ADGRL3: variants seen among roughly 807,000 people sequenced by gnomAD.
The protein encoded by ADGRL3 is calcium-independent alpha-latrotoxin receptor 3.
ADGRL3 carries 62 observed loss-of-function variants against 153.5 expected under a neutral mutation model. That is an observed-to-expected ratio of 0.40 (90% CI 0.33 to 0.50). The LOEUF (loss-of-function observed/expected upper bound fraction) is 0.50. Ranked by LOEUF, ADGRL3 falls within the 20% of genes least tolerant of loss-of-function variation. The probability of loss-of-function intolerance (pLI) is 0.47; values close to 1 mark genes in which losing one functional copy is unlikely to be tolerated. For synonymous variants in ADGRL3, 710 were observed against 672.5 expected (o/e 1.06, Z -0.86); for missense variants, 1,641 against 1,859.4 (o/e 0.88, Z 2.16).
chr4:61,751,431 G>T (rs2096755443), intron 8 of ADGRL3, among the ~76,000 whole-genome samples: 1 of 152,158 alleles, frequency 6.6e-6, no homozygotes, highest in Non-Finnish European at 1.5e-5. Flanking sequence ...CTAAGGCTCA[G>T]AGATATAAAG....
At chr4:61,617,789 T>G (rs553470541) in intron 5 of ADGRL3, among the ~76,000 whole-genome samples, 1 of 152,238 alleles carries the variant, frequency 6.6e-6, no homozygotes, top group African/African-American at 2.4e-5. Context: ...TTTTCTTCCC[T>G]AAGCAAAATC....
At chr4:61,747,706 C>T (rs1310501849) in intron 8 of ADGRL3, among the ~76,000 whole-genome samples, 4 of 146,874 alleles carry the variant, frequency 2.7e-5, no homozygotes, top group Admixed American at 6.9e-5. Context: ...TGGGACGTAT[C>T]TCAAAATAAT....
At chr4:61,291,587 T>C (rs868846121) in intron 1 of ADGRL3, among the ~76,000 whole-genome samples, 33 of 11,774 alleles carry the variant, frequency 2.8e-3, no homozygotes, top group Admixed American at 8.8e-3. Flanking sequence ...TATATACATA[T>C]ATATATATAT....
intron 8 of ADGRL3, among the ~76,000 whole-genome samples, chr4:61,768,775 G>T (rs1374361301): frequency 6.6e-6 from 1 of 151,940 alleles, no homozygotes; most frequent in East Asian, 1.9e-4. Flanking sequence ...GGCAAGCCCA[G>T]AGAAAAGAGT....
intron 1 of ADGRL3, among the ~76,000 whole-genome samples, chr4:61,264,869 C>T (rs1202398257): frequency 6.6e-6 from 1 of 151,708 alleles, no homozygotes; most frequent in Admixed American, 6.6e-5. Flanking sequence ...TAAACAAAAC[C>T]TTTTCAGTAA....
intron 6 of ADGRL3, among the ~76,000 whole-genome samples, chr4:61,711,487 TATATACAC>T (rs1182910884): frequency 2.0e-4 from 21 of 107,498 alleles, no homozygotes; most frequent in African/African-American, 6.6e-4. Flanking sequence ...TATATATATA[TATATACAC>T]ACACACACAC....
intron 2 of ADGRL3, among the ~76,000 whole-genome samples, chr4:61,473,164 G>A (rs2152692818): frequency 6.6e-6 from 1 of 151,908 alleles, no homozygotes; most frequent in African/African-American, 2.4e-5. Context: ...TTGATAAGGT[G>A]AGAATTTCGG....
intron 5 of ADGRL3, among the ~76,000 whole-genome samples, chr4:61,628,859 T>A (rs1187333298): frequency 6.6e-6 from 1 of 152,198 alleles, no homozygotes; most frequent in Non-Finnish European, 1.5e-5. Flanking sequence ...AATTGGACTT[T>A]GTTCTTGTTG....
chr4:61,225,419 C>A (rs527901823), intron 1 of ADGRL3, among the ~76,000 whole-genome samples: 2 of 152,262 alleles, frequency 1.3e-5, no homozygotes, highest in South Asian at 4.1e-4. Context: ...ATAACCTTTC[C>A]ATTTCTCCAC....
At chr4:61,744,837 C>T (rs2151961126) in intron 8 of ADGRL3, among the ~76,000 whole-genome samples, 1 of 152,328 alleles carries the variant, frequency 6.6e-6, no homozygotes, top group Non-Finnish European at 1.5e-5. Context: ...TGCAGCTCCT[C>T]ACCAGCAACG....
intron 1 of ADGRL3, among the ~76,000 whole-genome samples, chr4:61,378,427 G>T (rs2096629948): frequency 6.6e-6 from 1 of 151,924 alleles, no homozygotes; most frequent in South Asian, 2.1e-4. Context: ...GTGCATTTAG[G>T]ACTAAACTTT....
intron 1 of ADGRL3, among the ~76,000 whole-genome samples, chr4:61,290,602 C>CCACTG (rs2094137013): frequency 6.7e-6 from 1 of 150,238 alleles, no homozygotes; most frequent in Non-Finnish European, 1.5e-5. Flanking sequence ...TATAATTGTA[C>CCACTG]CACTGCATTC....
Position 61,818,859 on chromosome 4 carries a change from C to A in ADGRL3, c.1480+4970C>A, listed in dbSNP as rs577389571. ...CAGTTATAATCACTAGCTCATGTGACCCTGCCCTGCAATTTTCAAAATAAA... is the reference window on the plus strand; with the variant it reads ...CAGTTATAATCACTAGCTCATGTGAACCTGCCCTGCAATTTTCAAAATAAA... On this transcript the variant is annotated intron_variant, in intron 9 of 26. Transcript: ENST00000683033. 2.0e-5 allele frequency among the ~76,000 whole-genome samples: 3 copies of A among 152,174 alleles called. No individual in the cohort carries two copies. In the South Asian group the frequency reaches 6.2e-4, roughly 32 times the overall value.
At chr4:61,719,240 T>A (rs1367800507) in intron 6 of ADGRL3, among the ~76,000 whole-genome samples, 1 of 152,140 alleles carries the variant, frequency 6.6e-6, no homozygotes, top group Non-Finnish European at 1.5e-5. Flanking sequence ...ATGCCATCAT[T>A]CTCGGAGGCA....
rs569392643 is a variant in ADGRL3, at chr4:61,676,680, ATT to A, written c.474-143_474-142del. 177 of 622,226 alleles carry A rather than the reference ATT, an allele frequency of 2.8e-4. 1 individual carries two copies. In the Middle Eastern group the frequency reaches 7.7e-3, roughly 27 times the overall value. The allele number at this position is 622,226 out of a possible 1,614,324, so 38.5% of individuals were successfully genotyped here. On this transcript the variant is annotated intron_variant, in intron 5 of 26. Transcript: ENST00000683033. The stretch of plus-strand genomic sequence containing the variant: ...AGTTTCTAAAAAGTGTACTACAGAT[ATT>A]TTCTTAATAGGCCTAAAGCCCCAAA...
At chr4:61,639,298 G>A (rs1490807732) in intron 5 of ADGRL3, among the ~76,000 whole-genome samples, 2 of 152,066 alleles carry the variant, frequency 1.3e-5, no homozygotes, top group Non-Finnish European at 2.9e-5. Context: ...GTCTTTATAA[G>A]TGTCTTAGGT....
chr4:61,576,716 C>T (rs2098886680), intron 4 of ADGRL3, among the ~76,000 whole-genome samples: 1 of 151,064 alleles, frequency 6.6e-6, no homozygotes, highest in South Asian at 2.1e-4. Context: ...CAGACTTATT[C>T]CTAACAAATA....
At chr4:61,756,792 C>A (rs1313971930) in intron 8 of ADGRL3, among the ~76,000 whole-genome samples, 1 of 152,068 alleles carries the variant, frequency 6.6e-6, no homozygotes, top group African/African-American at 2.4e-5. Flanking sequence ...GAGATATGTC[C>A]CATCAATACC....
intron 19 of ADGRL3, among the ~76,000 whole-genome samples, chr4:61,984,833 A>C (rs542977256): frequency 1.7e-3 from 261 of 152,228 alleles, no homozygotes; most frequent in Non-Finnish European, 2.9e-3. Flanking sequence ...GAAGGCGTGA[A>C]GACATAAGTT....
Sources: allele counts gnomAD v4.1 joint callset (sites outside exome capture counted in the v4.1 genomes callset), GRCh38; gene constraint gnomAD v4.1.1; transcripts MANE v1.5; gene names NCBI Gene and HGNC (gene_info 2026-07-23, HGNC 2026-07-21).